Variants in SORCS2 observed in about 807,000 individuals in gnomAD.
SORCS2 encodes the protein sortilin related VPS10 domain containing receptor 2.
A neutral mutation model predicts 141.6 loss-of-function variants in SORCS2; 100 were observed. The observed-to-expected ratio is 0.71, with a 90% CI of 0.60 to 0.83. The LOEUF (loss-of-function observed/expected upper bound fraction) is 0.83, where lower values mean the gene tolerates loss of function less well. SORCS2 is among the 40% of genes least tolerant of loss of function. The pLI is 0.00. For missense variants in SORCS2, 1,646 were observed against 1,560.2 expected (o/e 1.05, Z -0.93); for synonymous variants, 789 against 676.9 (o/e 1.17, Z -2.57).
Position 7,648,008 on chromosome 4 carries a change from T to C in SORCS2, c.814-6126T>C, listed in dbSNP as rs1721189582. Reference sequence around the variant, plus strand: ...CGCTGAAGTTTCCGAGATGGGAGACTAGGGGAGGCAGGAGCAGCCGAGGTG... The same window carrying C: ...CGCTGAAGTTTCCGAGATGGGAGACCAGGGGAGGCAGGAGCAGCCGAGGTG... On this transcript the variant is annotated intron_variant, in intron 4 of 26. Transcript: ENST00000507866. This position sits in a 1 kb window ranked among gnomAD's most constrained non-coding sequence, Gnocchi z 4.2. Among the ~76,000 whole-genome samples, 1 of 152,032 alleles carries C rather than the reference T, an allele frequency of 6.6e-6. No homozygotes were observed. The highest frequency in any genetic ancestry group is 2.4e-5 in the African/African-American group (1 of 41,392).
chr4:7,421,500 A>T (rs373291393), intron 2 of SORCS2, among the ~76,000 whole-genome samples: 2 of 152,198 alleles, frequency 1.3e-5, no homozygotes, highest in East Asian at 1.9e-4. Flanking sequence ...CACAGAGCCC[A>T]GGCCTGGCTT....
chr4:7,579,239 A>T (rs982562237), intron 3 of SORCS2, among the ~76,000 whole-genome samples: 8 of 152,148 alleles, frequency 5.3e-5, no homozygotes, highest in African/African-American at 1.9e-4. Context: ...TGATGCATGG[A>T]TCATTTTAAT....
rs774713463 is a variant in SORCS2, at chr4:7,725,173, C to T, written c.2631C>T (p.Tyr877=). The stretch of plus-strand genomic sequence containing the variant: ...CCACAGCCCCCCTGCAGGCCCTCTA[C>T]CTGGAGGTGGTTCCTGTCATTGGCC... ...VQVNSPLQAL[Y]LEVVPVIGLN... Residue 877 remains tyrosine, a synonymous_variant, in exon 20 of 27, where the codon TAC becomes TAT. Coordinates refer to ENST00000507866, the MANE Select transcript of SORCS2 (RefSeq NM_020777.3). 1.6e-5 allele frequency: 26 copies of T among 1,613,480 alleles called. No homozygotes were observed. The East Asian group carries it at 4.9e-4, about 30-fold the overall frequency.
At chr4:7,210,382 C>T (rs183528448) in intron 1 of SORCS2, among the ~76,000 whole-genome samples, 39 of 152,364 alleles carry the variant, frequency 2.6e-4, no homozygotes, top group Admixed American at 1.5e-3. Flanking sequence ...CCTGGGCTCA[C>T]GCCCTCCTCC....
intron 12 of SORCS2, among the ~76,000 whole-genome samples, chr4:7,698,083 G>A (rs1290960473): frequency 6.6e-6 from 1 of 151,814 alleles, no homozygotes; most frequent in East Asian, 1.9e-4. Flanking sequence ...CCACGCCTGG[G>A]CTCCCCACCC....
intron 1 of SORCS2, among the ~76,000 whole-genome samples, chr4:7,291,970 G>GCA (rs1398123051): frequency 6.6e-6 from 1 of 152,226 alleles, no homozygotes; most frequent in East Asian, 1.9e-4. Flanking sequence ...GGCAGGGATG[G>GCA]TAGGAGATGG....
chr4:7,378,377 A>C (rs1338811582), intron 1 of SORCS2, among the ~76,000 whole-genome samples: 2 of 150,386 alleles, frequency 1.3e-5, no homozygotes, highest in Non-Finnish European at 2.9e-5. Context: ...TTATAAAGAA[A>C]AGAGGGATGA....
rs534690487 is a variant in SORCS2 at position 7,411,834 on chromosome 4, G to A, written c.548+15479G>A. On this transcript the variant is annotated intron_variant, in intron 2 of 26. Coordinates refer to ENST00000507866, the MANE Select transcript of SORCS2 (RefSeq NM_020777.3). ...TTGGAGCAGAGGAAGTGGTAGTCAT[G>A]TAAGACTTCCTGGAAGGAGATTCAC... Among the ~76,000 whole-genome samples the A allele has an allele frequency of 6.1e-3, 930 of 152,248 alleles. 2 individuals are homozygous for A. The highest frequency in any genetic ancestry group is 0.01 in the Non-Finnish European group (711 of 68,002).
chr4:7,404,444 T>G (rs10002776), intron 2 of SORCS2, among the ~76,000 whole-genome samples: 95,551 of 151,944 alleles, frequency 0.63, 30,239 homozygotes, highest in Middle Eastern at 0.68. Flanking sequence ...TTCCGTAGAG[T>G]CTGTACTAAC....
intron 2 of SORCS2, among the ~76,000 whole-genome samples, chr4:7,490,913 C>T (rs1383463557): frequency 6.6e-6 from 1 of 152,160 alleles, no homozygotes; most frequent in African/African-American, 2.4e-5. Flanking sequence ...CCGTCTCCTC[C>T]TAGGGACGTA....
intron 3 of SORCS2, among the ~76,000 whole-genome samples, chr4:7,594,953 C>T (rs578169108): frequency 4.6e-5 from 7 of 152,162 alleles, no homozygotes; most frequent in Non-Finnish European, 8.8e-5. Flanking sequence ...AACACATCTC[C>T]ACCTCTGCAA....
At chr4:7,458,997 G>T (rs115196611) in intron 2 of SORCS2, among the ~76,000 whole-genome samples, 4,674 of 152,244 alleles carry the variant, frequency 0.031, 102 homozygotes, top group Non-Finnish European at 0.049. Flanking sequence ...GGCAGGGGGT[G>T]CATGGAGGGG....
chr4:7,349,791 G>A (rs1720836950), intron 1 of SORCS2, among the ~76,000 whole-genome samples: 1 of 152,202 alleles, frequency 6.6e-6, no homozygotes, highest in Non-Finnish European at 1.5e-5. Context: ...TGTTGGACTG[G>A]ACGCTCTGTT....
chr4:7,538,407 A>G (rs1304351059), intron 3 of SORCS2, among the ~76,000 whole-genome samples: 5 of 152,172 alleles, frequency 3.3e-5, no homozygotes, highest in Admixed American at 2.0e-4. Flanking sequence ...CTTCGGGCCG[A>G]CAGCAGGTTT....
At chr4:7,307,472 C>T (rs1307123233) in intron 1 of SORCS2, among the ~76,000 whole-genome samples, 2 of 152,158 alleles carry the variant, frequency 1.3e-5, no homozygotes, top group Non-Finnish European at 2.9e-5. Context: ...GATGGGGAAA[C>T]AGAGGCTCAG....
chr4:7,509,131 C>T (rs56293733), intron 2 of SORCS2, among the ~76,000 whole-genome samples: 40,750 of 152,124 alleles, frequency 0.27, 6,745 homozygotes, highest in East Asian at 0.73. Context: ...GTCAGTTACA[C>T]GTGGCGGAAG....
chr4:7,281,567 T>C lies in SORCS2; in HGVS notation c.480+88441T>C, dbSNP rs371123927. Among the ~76,000 whole-genome samples the C allele has an allele frequency of 2.1e-4, 32 of 152,312 alleles. No homozygotes were observed. The East Asian group carries it at 4.6e-3, about 22-fold the overall frequency. On this transcript the variant is annotated intron_variant, in intron 1 of 26. Transcript: ENST00000507866. ...CCAAACAAGAGCGTTCCATCCTCTGTGTGTCTCTGGTCACCACCAGACTCA... is the reference window on the plus strand; with the variant it reads ...CCAAACAAGAGCGTTCCATCCTCTGCGTGTCTCTGGTCACCACCAGACTCA...
At chr4:7,707,660 C>G (rs1029590852) in intron 14 of SORCS2, among the ~76,000 whole-genome samples, 2 of 152,218 alleles carry the variant, frequency 1.3e-5, no homozygotes, top group Non-Finnish European at 2.9e-5. Flanking sequence ...GCCCCAGGCT[C>G]CAGGAGGGAC....
At position 7,654,034 on chromosome 4, in the gene SORCS2, C is replaced by T. The variant is rs1721598589; in HGVS notation, c.814-100C>T. The T allele has an allele frequency of 1.5e-5, 17 of 1,148,700 alleles. No individual in the cohort carries two copies. The South Asian group carries it at 2.2e-4, about 15-fold the overall frequency. 71.2% of individuals were successfully genotyped at this position (1,148,700 alleles called of 1,614,324 possible). A position where few individuals can be genotyped will look rare whatever the true frequency, so the allele number is the denominator to read the frequency against. Reference sequence around the variant, plus strand: ...CGTGTCCGCTGGACAAGGATGACTTCTCCTGGGGGATCTGCTGTGGTGAAG... The same window carrying T: ...CGTGTCCGCTGGACAAGGATGACTTTTCCTGGGGGATCTGCTGTGGTGAAG... On this transcript the variant is annotated intron_variant, in intron 4 of 26. Coordinates refer to ENST00000507866, the MANE Select transcript of SORCS2 (RefSeq NM_020777.3).
Sources: gnomAD v4.1 joint callset for allele counts (sites outside exome capture counted in the v4.1 genomes callset) on GRCh38, gnomAD v4.1.1 for gene constraint, Gnocchi (gnomAD v3.1) non-coding constraint, MANE v1.5 for transcripts, NCBI Gene and HGNC (gene_info 2026-07-23, HGNC 2026-07-21) for gene names.